The following ITGBL1 variants were observed in gnomAD, a reference collection of about 807,000 sequenced individuals.
ITGBL1 encodes integrin subunit beta like 1, also known as integrin beta-like protein 1.
Under a neutral mutation model 68.5 loss-of-function variants are expected in ITGBL1, and 51 were observed. The observed-to-expected ratio is 0.74, with a 90% CI of 0.59 to 0.94. The LOEUF (loss-of-function observed/expected upper bound fraction) is 0.94. Among genes scored for constraint, ITGBL1 ranks in the 40% least tolerant of loss-of-function variants. ITGBL1 has a pLI of 0.00. For synonymous variants in ITGBL1, 209 were observed against 227.3 expected (o/e 0.92, Z 0.72); for missense variants, 649 against 647.4 (o/e 1.00, Z -0.03).
intron 7 of ITGBL1, among the ~76,000 whole-genome samples, chr13:101,632,412 G>A (rs2032015579): frequency 1.3e-5 from 2 of 152,186 alleles, no homozygotes; most frequent in Admixed American, 1.3e-4. Context: ...GCACCAATAT[G>A]TTGGTTAGGC....
intron 3 of ITGBL1, among the ~76,000 whole-genome samples, chr13:101,571,922 CAGT>C (rs141137239): frequency 0.014 from 2,125 of 152,162 alleles, 42 homozygotes; most frequent in African/African-American, 0.048. Context: ...AGCATTTAGA[CAGT>C]AGTCAGTATT....
At chr13:101,544,746 G>A (rs530115874) in intron 2 of ITGBL1, among the ~76,000 whole-genome samples, 7 of 152,232 alleles carry the variant, frequency 4.6e-5, no homozygotes, top group African/African-American at 1.2e-4. Flanking sequence ...CTCAAGCCTC[G>A]GCAATGGCGG....
At chr13:101,682,632 T>C (rs1326938054) in intron 7 of ITGBL1, among the ~76,000 whole-genome samples, 1 of 152,022 alleles carries the variant, frequency 6.6e-6, no homozygotes, top group Non-Finnish European at 1.5e-5. Flanking sequence ...AATAACCCAT[T>C]TTTGCCCTCA....
chr13:101,530,743 A>G (rs1004052686), intron 2 of ITGBL1, among the ~76,000 whole-genome samples: 1 of 152,194 alleles, frequency 6.6e-6, no homozygotes, highest in Non-Finnish European at 1.5e-5. Flanking sequence ...TAAATCTTCA[A>G]TTTTATCTAA....
chr13:101,560,174 G>GC (rs1555358753), intron 2 of ITGBL1, among the ~76,000 whole-genome samples: 2 of 151,986 alleles, frequency 1.3e-5, no homozygotes, highest in Non-Finnish European at 2.9e-5. Flanking sequence ...ATGTTACATT[G>GC]TTTTTTTGTT....
intron 2 of ITGBL1, among the ~76,000 whole-genome samples, chr13:101,546,991 A>G (rs536147416): frequency 3.3e-5 from 5 of 152,118 alleles, no homozygotes; most frequent in African/African-American, 1.2e-4. Context: ...ATAAAACCAG[A>G]GAAAATAAAA....
At chr13:101,689,488 C>T (rs2033835761) in intron 7 of ITGBL1, among the ~76,000 whole-genome samples, 1 of 151,814 alleles carries the variant, frequency 6.6e-6, no homozygotes, top group Middle Eastern at 3.4e-3. Flanking sequence ...GCCTGTAGTC[C>T]CAACTGCTCA....
At chr13:101,588,193 A>G (rs1239791838) in intron 6 of ITGBL1, among the ~76,000 whole-genome samples, 2 of 152,088 alleles carry the variant, frequency 1.3e-5, no homozygotes, top group African/African-American at 2.4e-5. Flanking sequence ...GGACCACTCA[A>G]TGGCTGCTCT....
intron 7 of ITGBL1, among the ~76,000 whole-genome samples, chr13:101,625,032 C>T (rs553913072): frequency 5.3e-5 from 8 of 152,200 alleles, no homozygotes; most frequent in South Asian, 4.2e-4. Context: ...GGTTCCCTGC[C>T]GGTAGATAAA....
rs1396092547 is a variant in ITGBL1 at position 101,474,066 on chromosome 13, A to AAAAGT, written c.316+19971_316+19975dup. On this transcript the variant is annotated intron_variant, in intron 2 of 10. Coordinates refer to ENST00000376180, the MANE Select transcript of ITGBL1 (RefSeq NM_004791.3). ...TCTTTTGCTTGAAGAAAGGAGAAAG[A>AAAAGT]AAAGTAAAGGGGACTTTGTCTTACA... 4.5e-4 allele frequency among the ~76,000 whole-genome samples: 69 copies of AAAAGT among 152,286 alleles called. 1 individual carries two copies. Among genetic ancestry groups the AAAAGT allele is most frequent in the African/African-American group, 1.6e-3 (67 of 41,572 alleles).
At chr13:101,505,224 G>A (rs886067771) in intron 2 of ITGBL1, among the ~76,000 whole-genome samples, 9 of 152,162 alleles carry the variant, frequency 5.9e-5, no homozygotes, top group African/African-American at 2.2e-4. Flanking sequence ...GGATATTTGT[G>A]CTTCTCTCCT....
intron 2 of ITGBL1, among the ~76,000 whole-genome samples, chr13:101,458,373 G>A (rs772433185): frequency 6.6e-6 from 1 of 152,214 alleles, no homozygotes; most frequent in Non-Finnish European, 1.5e-5. Flanking sequence ...ACATGTGGAT[G>A]TTTGGGAAAT....
chr13:101,503,228 T>C (rs952039600), intron 2 of ITGBL1, among the ~76,000 whole-genome samples: 3 of 152,148 alleles, frequency 2.0e-5, no homozygotes, highest in Non-Finnish European at 4.4e-5. Flanking sequence ...AAAATATGGT[T>C]GTGCACTTAG....
At chr13:101,662,175 A>G (rs926893088) in intron 7 of ITGBL1, among the ~76,000 whole-genome samples, 13 of 152,158 alleles carry the variant, frequency 8.5e-5, no homozygotes, top group African/African-American at 3.1e-4. Flanking sequence ...ATTTATTTTG[A>G]TAACCATCAG....
chr13:101,576,951 TG>T (rs200978790), intron 4 of ITGBL1, among the ~76,000 whole-genome samples: 148 of 66,224 alleles, frequency 2.2e-3, no homozygotes, highest in Non-Finnish European at 3.2e-3. Flanking sequence ...TTATTATAGA[TG>T]GAAAAAAAAA....
At chr13:101,480,390 GTGTATAAGATCT>G (rs2048601226) in intron 2 of ITGBL1, among the ~76,000 whole-genome samples, 1 of 151,940 alleles carries the variant, frequency 6.6e-6, no homozygotes, top group Non-Finnish European at 1.5e-5. Context: ...GTTAGATACA[GTGTATAAGATCT>G]AGTATTTGAT....
chr13:101,661,911 A>G (rs1035172109), intron 7 of ITGBL1, among the ~76,000 whole-genome samples: 1 of 152,228 alleles, frequency 6.6e-6, no homozygotes, highest in Non-Finnish European at 1.5e-5. Flanking sequence ...GACTCATTAC[A>G]TAATACATCA....
intron 2 of ITGBL1, among the ~76,000 whole-genome samples, chr13:101,527,340 A>G (rs544669483): frequency 2.6e-5 from 4 of 152,154 alleles, no homozygotes; most frequent in Non-Finnish European, 4.4e-5. Flanking sequence ...GTAATATAAA[A>G]GGAATGTTGT....
chr13:101,638,622 T>C (rs1437702929), intron 7 of ITGBL1, among the ~76,000 whole-genome samples: 1 of 152,032 alleles, frequency 6.6e-6, no homozygotes, highest in Non-Finnish European at 1.5e-5. Context: ...AGAATGAGAA[T>C]CAAGCGAAAG....
Sources: allele counts gnomAD v4.1 joint callset (sites outside exome capture counted in the v4.1 genomes callset), GRCh38; gene constraint gnomAD v4.1.1; transcripts MANE v1.5; gene names NCBI Gene and HGNC (gene_info 2026-07-23, HGNC 2026-07-21).